MYO5B: variants seen among roughly 807,000 people sequenced by gnomAD.
The protein encoded by MYO5B is myosin VB.
Under a neutral mutation model 229.3 loss-of-function variants are expected in MYO5B, and 143 were observed. The ratio of observed to expected loss-of-function variants is 0.62; its 90% CI spans 0.54 to 0.72. The LOEUF (loss-of-function observed/expected upper bound fraction) is 0.72, where lower values mean the gene tolerates loss of function less well. Ranked by LOEUF, MYO5B falls within the 30% of genes least tolerant of loss-of-function variation. The pLI is 0.00. For synonymous variants in MYO5B, 918 were observed against 885.2 expected (o/e 1.04, Z -0.66); for missense variants, 2,321 against 2,331.0 (o/e 1.00, Z 0.09).
At chr18:49,972,203 G>A (rs534814898) in intron 10 of MYO5B, among the ~76,000 whole-genome samples, 3 of 152,250 alleles carry the variant, frequency 2.0e-5, no homozygotes, top group South Asian at 2.1e-4. Context: ...CCATCCTTGC[G>A]ATCTATTTCT....
chr18:49,865,879 A>G (rs767710250), intron 27 of MYO5B, among the ~76,000 whole-genome samples: 5 of 151,992 alleles, frequency 3.3e-5, no homozygotes, highest in Non-Finnish European at 5.9e-5. Flanking sequence ...CCCATTCTCT[A>G]ACCATTCCTG....
chr18:49,839,396 G>T (rs1397002001), intron 35 of MYO5B, 102 bp from the exon 36 acceptor site: 7 of 1,257,702 alleles, frequency 5.6e-6, no homozygotes, highest in Non-Finnish European at 8.1e-6. Flanking sequence ...GTGGGCAGGG[G>T]GCCTACTCAG....
intron 1 of MYO5B, among the ~76,000 whole-genome samples, chr18:50,173,524 A>C (rs1036936277): frequency 6.6e-6 from 1 of 152,214 alleles, no homozygotes; most frequent in African/African-American, 2.4e-5. Context: ...AGACAAGGGA[A>C]GATGAAGGGA....
intron 14 of MYO5B, among the ~76,000 whole-genome samples, chr18:49,939,115 G>A (rs1385066621): frequency 6.6e-6 from 1 of 151,358 alleles, no homozygotes; most frequent in Non-Finnish European, 1.5e-5. Context: ...CTTTTACTAG[G>A]GGTTATATAC....
At chr18:49,934,290 G>A (rs1379208042) in intron 16 of MYO5B, among the ~76,000 whole-genome samples, 3 of 152,066 alleles carry the variant, frequency 2.0e-5, no homozygotes, top group Admixed American at 6.5e-5. Context: ...ACTAGCTTGC[G>A]ACTGGCCAAA....
chr18:49,869,421 G>C (rs533720006), intron 27 of MYO5B, among the ~76,000 whole-genome samples: 132 of 152,262 alleles, frequency 8.7e-4, no homozygotes, highest in Non-Finnish European at 1.6e-3. Context: ...TCTGTGACAA[G>C]GCCCACAAGT....
intron 29 of MYO5B, among the ~76,000 whole-genome samples, chr18:49,859,942 C>G (rs899003783): frequency 6.6e-6 from 1 of 152,318 alleles, no homozygotes; most frequent in East Asian, 1.9e-4. Flanking sequence ...TTGTCAAACA[C>G]AGTCTCCGCT....
chr18:50,149,043 GACAA>G (rs1431534260), intron 1 of MYO5B, among the ~76,000 whole-genome samples: 31 of 151,650 alleles, frequency 2.0e-4, no homozygotes, highest in Non-Finnish European at 4.1e-4. Flanking sequence ...ACCAATAACA[GACAA>G]ACAGAGAGCC....
At chr18:50,105,377 G>T (rs1326067080) in intron 1 of MYO5B, among the ~76,000 whole-genome samples, 1 of 152,058 alleles carries the variant, frequency 6.6e-6, no homozygotes, top group East Asian at 1.9e-4. Context: ...TTACCATCTG[G>T]AGTCTTAAAC....
chr18:50,043,474 CATAT>C (rs1419521404), intron 2 of MYO5B, among the ~76,000 whole-genome samples: 1 of 78,064 alleles, frequency 1.3e-5, no homozygotes. Context: ...TATATATTTA[CATAT>C]ATAAATATAT....
intron 4 of MYO5B, among the ~76,000 whole-genome samples, chr18:50,013,514 T>C (rs1388129842): frequency 6.6e-6 from 1 of 152,208 alleles, no homozygotes; most frequent in Admixed American, 6.5e-5. Context: ...GCCAGCCCTC[T>C]TGAGAGAATT....
At chr18:49,867,984 C>A (rs1170527953) in intron 27 of MYO5B, among the ~76,000 whole-genome samples, 2 of 152,074 alleles carry the variant, frequency 1.3e-5, no homozygotes, top group Non-Finnish European at 2.9e-5. Flanking sequence ...AGAGTATATT[C>A]ATCAGTTAGA....
chr18:50,172,814 T>G (rs1188383341), intron 1 of MYO5B, among the ~76,000 whole-genome samples: 1 of 151,778 alleles, frequency 6.6e-6, no homozygotes, highest in Non-Finnish European at 1.5e-5. Flanking sequence ...ATGATCTGAG[T>G]AGGTGGTGGA....
intron 19 of MYO5B, among the ~76,000 whole-genome samples, chr18:49,905,476 A>G (rs1242488496): frequency 6.6e-6 from 1 of 152,110 alleles, no homozygotes; most frequent in Non-Finnish European, 1.5e-5. Flanking sequence ...CCAGGCCTAT[A>G]ACAAGTGCTC....
At chr18:50,167,568 A>G (rs2144329223) in intron 1 of MYO5B, among the ~76,000 whole-genome samples, 1 of 152,294 alleles carries the variant, frequency 6.6e-6, no homozygotes, top group East Asian at 1.9e-4. Context: ...TTGCTCTAAA[A>G]ATCAGAACTG....
intron 1 of MYO5B, among the ~76,000 whole-genome samples, chr18:50,153,415 A>G (rs570720320): frequency 6.6e-6 from 1 of 152,184 alleles, no homozygotes; most frequent in South Asian, 2.1e-4. Context: ...ATTCTTATAT[A>G]TTTATAAGCA....
At position 50,116,516 on chromosome 18, in the gene MYO5B, G is replaced by GA. The variant is rs1226175286; in HGVS notation, c.28-61139dup. On this transcript the variant is annotated intron_variant, in intron 1 of 39. Transcript: ENST00000285039. ...CCCTCTGTAGCAAGAGACAGCTTCA[G>GA]ATTTAAATCCAAAAAAAGAAAAAAA... Among the ~76,000 whole-genome samples the GA allele has an allele frequency of 2.6e-5, 4 of 152,120 alleles. No individual in the cohort carries two copies. The East Asian group carries it at 7.7e-4, about 29-fold the overall frequency.
rs1400308958 is a variant in MYO5B, at chr18:49,823,306, A to G, written c.*3165T>C. 6.6e-6 allele frequency: 1 copy of G among 152,248 alleles called. No homozygotes were observed. The highest frequency in any genetic ancestry group is 1.5e-5 in the Non-Finnish European group (1 of 68,036). The allele number at this position is 152,248 out of a possible 1,614,324, so 9.4% of individuals were successfully genotyped here. On this transcript the variant is annotated 3_prime_UTR_variant, in exon 40 of 40. Transcript: ENST00000285039. The stretch of plus-strand genomic sequence containing the variant: ...GGCTCATGCAGCAAATTAATTGGAG[A>G]AACTGACCACAAATATTCTGTGAAG...
Position 49,826,273 on chromosome 18 carries a change from T to C in MYO5B, c.*198A>G. 1 of 644,402 alleles carries C rather than the reference T, an allele frequency of 1.6e-6. No individual in the cohort carries two copies. Among genetic ancestry groups the C allele is most frequent in the South Asian group, 1.9e-5 (1 of 52,696 alleles). 39.9% of individuals were successfully genotyped at this position (644,402 alleles called of 1,614,324 possible). A position where few individuals can be genotyped will look rare whatever the true frequency, so the allele number is the denominator to read the frequency against. On this transcript the variant is annotated 3_prime_UTR_variant, in exon 40 of 40. Transcript: ENST00000285039. ...CTTAAAATCTTCCATATTTCAAGTG[T>C]TTTTATTCTGAGCAGTAGGTACAAA... is the stretch of plus-strand genomic sequence containing the variant.
Sources: gnomAD v4.1 joint callset for allele counts (sites outside exome capture counted in the v4.1 genomes callset) on GRCh38, gnomAD v4.1.1 for gene constraint, MANE v1.5 for transcripts, NCBI Gene and HGNC (gene_info 2026-07-23, HGNC 2026-07-21) for gene names.